MAGI2: variants seen among roughly 807,000 people sequenced by gnomAD.
MAGI2 encodes the protein membrane-associated guanylate kinase, WW and PDZ domain-containing protein 2.
In MAGI2, 35 loss-of-function variants were observed where a neutral mutation model predicts 133.3. That is an observed-to-expected ratio of 0.26 (90% CI 0.20 to 0.35). The LOEUF is 0.35. MAGI2 is among the 10% of genes least tolerant of loss of function. The pLI is 1.00. For missense variants in MAGI2, 1,636 were observed against 1,863.4 expected, an observed-to-expected ratio of 0.88 and a Z score of 2.25; for synonymous variants, 729 against 710.6, an observed-to-expected ratio of 1.03 and a Z score of -0.41.
chr7:78,547,298 C>G (rs559877767), intron 3 of MAGI2, among the ~76,000 whole-genome samples: 2 of 152,304 alleles, frequency 1.3e-5, no homozygotes, highest in Non-Finnish European at 2.9e-5. Context: ...CAGTGAGAGA[C>G]AGCATTCATA....
At chr7:78,685,997 A>G (rs1816270110) in intron 2 of MAGI2, among the ~76,000 whole-genome samples, 1 of 140,088 alleles carries the variant, frequency 7.1e-6, no homozygotes, top group African/African-American at 2.6e-5. Context: ...TGTCAATAGC[A>G]TGCTTTTATT....
At chr7:78,419,283 A>G (rs1165100296) in intron 6 of MAGI2, among the ~76,000 whole-genome samples, 1 of 152,166 alleles carries the variant, frequency 6.6e-6, no homozygotes, top group African/African-American at 2.4e-5. Flanking sequence ...ACAAATACTA[A>G]TAAGAAAGGA....
chr7:78,636,599 C>T (rs1809674412), intron 2 of MAGI2, among the ~76,000 whole-genome samples: 1 of 152,030 alleles, frequency 6.6e-6, no homozygotes, highest in Non-Finnish European at 1.5e-5. Context: ...GAGATAGAGA[C>T]CATCCTGGCT....
At chr7:78,174,945 A>G (rs1826449844) in intron 14 of MAGI2, among the ~76,000 whole-genome samples, 1 of 152,212 alleles carries the variant, frequency 6.6e-6, no homozygotes, top group Non-Finnish European at 1.5e-5. Context: ...TCCTCTCTGC[A>G]TGAATGCTGG....
chr7:79,413,567 T>G (rs1312848264), intron 1 of MAGI2: 1 of 152,330 alleles, frequency 6.6e-6, no homozygotes, highest in South Asian at 2.1e-4. Flanking sequence ...ACTCCTTTAA[T>G]TATACCTCAG....
chr7:78,883,758 G>T (rs987496916), intron 2 of MAGI2, among the ~76,000 whole-genome samples: 2 of 152,138 alleles, frequency 1.3e-5, no homozygotes, highest in Admixed American at 6.6e-5. Context: ...TGGGGGAAAG[G>T]ACTCCCTATT....
chr7:78,761,536 G>A (rs1824514326), intron 2 of MAGI2, among the ~76,000 whole-genome samples: 1 of 150,112 alleles, frequency 6.7e-6, no homozygotes, highest in Non-Finnish European at 1.5e-5. Flanking sequence ...TGTGATTTCA[G>A]CTCACTGCAA....
At chr7:78,160,929 A>C (rs1362768569) in intron 15 of MAGI2, among the ~76,000 whole-genome samples, 1 of 152,262 alleles carries the variant, frequency 6.6e-6, no homozygotes, top group East Asian at 1.9e-4. Context: ...ATGTATGTGG[A>C]AAATATACTT....
rs557660344 is a variant in MAGI2, at chr7:79,357,806, C to A, written c.301+95214G>T. 2.4e-3 allele frequency among the ~76,000 whole-genome samples: 361 copies of A among 152,250 alleles called. 1 individual carries two copies. Among genetic ancestry groups the A allele is most frequent in the South Asian group, 5.6e-3 (27 of 4,816 alleles). Reference sequence around the variant, plus strand: ...TAGAAATGTTGCATATGCCATCTAACCTCTTTGAATTTTATTTTTTAACTA... The same window carrying A: ...TAGAAATGTTGCATATGCCATCTAAACTCTTTGAATTTTATTTTTTAACTA... On this transcript the variant is annotated intron_variant, in intron 1 of 21. Transcript: ENST00000354212.
chr7:78,023,668 CCT>C (rs1343614101), intron 21 of MAGI2, among the ~76,000 whole-genome samples: 1 of 152,200 alleles, frequency 6.6e-6, no homozygotes, highest in Non-Finnish European at 1.5e-5. Context: ...GCTTCCTCAG[CCT>C]GCCCTCTCCA....
intron 21 of MAGI2, chr7:78,078,710 A>C (rs1328654587): frequency 3.1e-5 from 18 of 588,348 alleles, no homozygotes; most frequent in Non-Finnish European, 5.0e-5. Flanking sequence ...CATATTTTAA[A>C]CATTCCTTAA....
chr7:78,968,843 C>T (rs1803541718), intron 2 of MAGI2, among the ~76,000 whole-genome samples: 1 of 152,008 alleles, frequency 6.6e-6, no homozygotes, highest in Admixed American at 6.6e-5. Flanking sequence ...AAGGACACGG[C>T]CTTTATTTTC....
At chr7:78,957,264 C>CAAAAA (rs1187620956) in intron 2 of MAGI2, among the ~76,000 whole-genome samples, 669 of 34,080 alleles carry the variant, frequency 0.02, no homozygotes, top group Non-Finnish European at 0.027. Context: ...GACTCCATCT[C>CAAAAA]AAAAAAAAAA....
chr7:78,154,218 C>A (rs1260372053), intron 16 of MAGI2, among the ~76,000 whole-genome samples: 1 of 152,196 alleles, frequency 6.6e-6, no homozygotes, highest in Non-Finnish European at 1.5e-5. Context: ...CTTCGAGAAA[C>A]TCACCAGGGT....
intron 2 of MAGI2, among the ~76,000 whole-genome samples, chr7:78,753,185 C>A (rs1823616655): frequency 1.3e-5 from 2 of 151,904 alleles, no homozygotes; most frequent in South Asian, 4.2e-4. Flanking sequence ...AATTAGTTAA[C>A]AGTTATTTTA....
chr7:78,172,247 G>C (rs1826186794), intron 14 of MAGI2, among the ~76,000 whole-genome samples: 2 of 152,118 alleles, frequency 1.3e-5, no homozygotes, highest in African/African-American at 4.8e-5. Flanking sequence ...ATTCTTTCCT[G>C]CACTGCCCGA....
intron 1 of MAGI2, among the ~76,000 whole-genome samples, chr7:79,186,541 T>G (rs1371657713): frequency 6.7e-6 from 1 of 149,366 alleles, no homozygotes; most frequent in Non-Finnish European, 1.5e-5. Context: ...CTTTGTCATT[T>G]TGTTTATTCC....
intron 2 of MAGI2, among the ~76,000 whole-genome samples, chr7:78,776,007 T>C (rs538954859): frequency 3.0e-4 from 45 of 152,328 alleles, no homozygotes; most frequent in African/African-American, 1.1e-3. Flanking sequence ...AAAGCCTTTC[T>C]CTGTCATTTG....
chr7:78,599,421 T>C (rs1217305063), intron 3 of MAGI2, among the ~76,000 whole-genome samples: 1 of 152,164 alleles, frequency 6.6e-6, no homozygotes, highest in Non-Finnish European at 1.5e-5. Context: ...GCCTCCCTAA[T>C]GTGTTGGAGT....
Sources: allele counts gnomAD v4.1 joint callset (sites outside exome capture counted in the v4.1 genomes callset), GRCh38; gene constraint gnomAD v4.1.1; transcripts MANE v1.5; gene names NCBI Gene and HGNC (gene_info 2026-07-23, HGNC 2026-07-21).